Variants in KCNQ5 observed in about 807,000 individuals in gnomAD.
The protein encoded by KCNQ5 is potassium voltage-gated channel subfamily Q member 5.
Under a neutral mutation model 98.2 loss-of-function variants are expected in KCNQ5, and 30 were observed. That is an observed-to-expected ratio of 0.31 (90% CI 0.23 to 0.41). The LOEUF is 0.41. Among genes scored for constraint, KCNQ5 ranks in the 10% least tolerant of loss-of-function variants. The pLI is 1.00. For synonymous variants in KCNQ5, 458 were observed against 449.4 expected (o/e 1.02, Z -0.24); for missense variants, 835 against 1,182.5 (o/e 0.71, Z 4.31).
chr6:72,670,253 G>A (rs1767032180), intron 1 of KCNQ5, among the ~76,000 whole-genome samples: 1 of 152,102 alleles, frequency 6.6e-6, no homozygotes, highest in Non-Finnish European at 1.5e-5. Context: ...CTAACATTCA[G>A]TTTATAATTA....
chr6:72,802,724 A>G (rs188853200), intron 1 of KCNQ5, among the ~76,000 whole-genome samples: 2 of 152,242 alleles, frequency 1.3e-5, no homozygotes, highest in Admixed American at 1.3e-4. Flanking sequence ...TTAAGGTCCA[A>G]GAACTCATGT....
intron 1 of KCNQ5, among the ~76,000 whole-genome samples, chr6:72,725,582 G>A (rs918288656): frequency 2.6e-5 from 4 of 152,048 alleles, no homozygotes; most frequent in African/African-American, 9.7e-5. Context: ...TTAGGCAAGA[G>A]GAATAAGCTT....
At chr6:72,968,026 C>G (rs1041590201) in intron 1 of KCNQ5, among the ~76,000 whole-genome samples, 1 of 152,146 alleles carries the variant, frequency 6.6e-6, no homozygotes, top group Non-Finnish European at 1.5e-5. Context: ...TTCTCCTTAG[C>G]GACCCCAACA....
At chr6:72,785,351 C>T (rs906828992) in intron 1 of KCNQ5, among the ~76,000 whole-genome samples, 5 of 151,816 alleles carry the variant, frequency 3.3e-5, no homozygotes, top group African/African-American at 1.2e-4. Flanking sequence ...GGGAGTTAGT[C>T]AAGAACAGGA....
At chr6:72,986,913 A>G in intron 1 of KCNQ5, 1 of 851,606 alleles carries the variant, frequency 1.2e-6, no homozygotes, top group Non-Finnish European at 2.0e-6. Context: ...GTGGGGAAGA[A>G]GGGTGAGGAA....
At chr6:72,926,936 A>G (rs1765451970) in intron 1 of KCNQ5, among the ~76,000 whole-genome samples, 1 of 152,172 alleles carries the variant, frequency 6.6e-6, no homozygotes, top group South Asian at 2.1e-4. Flanking sequence ...TAAGAGTTGT[A>G]GTTGCTAAGA....
At chr6:73,079,330 T>C (rs1458704383) in intron 5 of KCNQ5, among the ~76,000 whole-genome samples, 1 of 152,226 alleles carries the variant, frequency 6.6e-6, no homozygotes, top group African/African-American at 2.4e-5. Context: ...TCTTGAGTTC[T>C]AGATTGTTGC....
intron 3 of KCNQ5, among the ~76,000 whole-genome samples, chr6:73,051,705 C>CAA (rs201199934): frequency 1.3e-4 from 13 of 97,176 alleles, no homozygotes; most frequent in African/African-American, 5.4e-4. Context: ...AAGATAGAGG[C>CAA]AAAAAAAAAA....
At chr6:73,169,635 G>T in intron 10 of KCNQ5, 111 bp from the exon 11 acceptor site, 1 of 750,556 alleles carries the variant, frequency 1.3e-6, no homozygotes, top group Non-Finnish European at 2.4e-6. Context: ...ACATATCTTG[G>T]TTTATCAGCT....
rs528526690 is a variant in KCNQ5, at chr6:72,667,019, C to A, written c.398+44432C>A. On this transcript the variant is annotated intron_variant, in intron 1 of 13. Transcript: ENST00000370398. ...AACAACTTTTAAAAGATGTGTGCTA[C>A]TATAACTTTAGCAAATATTCATTAG... Among the ~76,000 whole-genome samples, 63 of 152,048 alleles carry A rather than the reference C, an allele frequency of 4.1e-4. 1 individual carries two copies. The highest frequency in any genetic ancestry group is 1.4e-3 in the African/African-American group (59 of 41,502).
At chr6:73,179,890 C>T (rs1479302001) in intron 11 of KCNQ5, among the ~76,000 whole-genome samples, 1 of 152,200 alleles carries the variant, frequency 6.6e-6, no homozygotes, top group Admixed American at 6.5e-5. Context: ...TGTCTGTCTG[C>T]CCTACTAGAC....
At chr6:72,985,027 A>T (rs1017721904) in intron 1 of KCNQ5, among the ~76,000 whole-genome samples, 1 of 152,198 alleles carries the variant, frequency 6.6e-6, no homozygotes, top group Non-Finnish European at 1.5e-5. Flanking sequence ...CAACAAAGTG[A>T]GACTGTCACT....
At chr6:72,966,231 C>G (rs1191968612) in intron 1 of KCNQ5, among the ~76,000 whole-genome samples, 1 of 152,012 alleles carries the variant, frequency 6.6e-6, no homozygotes, top group African/African-American at 2.4e-5. Flanking sequence ...CAATAAGGTT[C>G]GAATCAAAAA....
At chr6:72,674,735 A>C (rs1160178409) in intron 1 of KCNQ5, among the ~76,000 whole-genome samples, 4 of 152,186 alleles carry the variant, frequency 2.6e-5, no homozygotes, top group Non-Finnish European at 5.9e-5. Context: ...GCGTCACTGC[A>C]TTCCAGCCTG....
At chr6:73,141,370 G>C (rs1776703993) in intron 10 of KCNQ5, among the ~76,000 whole-genome samples, 1 of 152,182 alleles carries the variant, frequency 6.6e-6, no homozygotes, top group African/African-American at 2.4e-5. Context: ...GACCATAACA[G>C]GTTGCTTCTT....
At chr6:73,046,657 T>TATTTG (rs1562145987) in intron 3 of KCNQ5, among the ~76,000 whole-genome samples, 2 of 151,556 alleles carry the variant, frequency 1.3e-5, no homozygotes, top group Non-Finnish European at 2.9e-5. Flanking sequence ...TATTTTATTT[T>TATTTG]TTGAGGCAGA....
chr6:72,655,034 TTCTTTC>T (rs1325870854), intron 1 of KCNQ5, among the ~76,000 whole-genome samples: 25 of 87,644 alleles, frequency 2.9e-4, no homozygotes, highest in African/African-American at 5.7e-4. Context: ...CTGTCTTTCT[TTCTTTC>T]TTTCTTTCTT....
intron 5 of KCNQ5, among the ~76,000 whole-genome samples, chr6:73,100,683 A>G (rs1379965389): frequency 6.6e-6 from 1 of 151,912 alleles, no homozygotes; most frequent in Non-Finnish European, 1.5e-5. Context: ...AAGAAAAAAA[A>G]AAAAGATAAA....
At chr6:72,940,987 A>C (rs1464441632) in intron 1 of KCNQ5, among the ~76,000 whole-genome samples, 2 of 152,208 alleles carry the variant, frequency 1.3e-5, no homozygotes, top group Non-Finnish European at 2.9e-5. Context: ...ATGACTGAAA[A>C]AAAATACGGC....
Sources: gnomAD v4.1 joint callset for allele counts (sites outside exome capture counted in the v4.1 genomes callset) on GRCh38, gnomAD v4.1.1 for gene constraint, MANE v1.5 for transcripts, NCBI Gene and HGNC (gene_info 2026-07-23, HGNC 2026-07-21) for gene names.